IQGAP2: variants seen among roughly 807,000 people sequenced by gnomAD.
IQGAP2 encodes the protein IQ motif containing GTPase activating protein 2.
In IQGAP2, 173 loss-of-function variants were observed where a neutral mutation model predicts 201.3. That is an observed-to-expected ratio of 0.86 (90% CI 0.76 to 0.98). The LOEUF (loss-of-function observed/expected upper bound fraction) is 0.98, where lower values mean the gene tolerates loss of function less well. IQGAP2 is among the 50% of genes least tolerant of loss of function. The pLI is 0.00. For missense variants in IQGAP2, 1,687 were observed against 1,864.8 expected (o/e 0.90, Z 1.76); for synonymous variants, 675 against 673.9 (o/e 1.00, Z -0.03).
intron 2 of IQGAP2, among the ~76,000 whole-genome samples, chr5:76,537,174 G>C (rs1315996433): frequency 6.6e-6 from 1 of 152,206 alleles, no homozygotes; most frequent in Non-Finnish European, 1.5e-5. Context: ...TCAGAGCCCT[G>C]ATATTTGCAT....
chr5:76,635,850 G>T (rs1334186130), intron 15 of IQGAP2, among the ~76,000 whole-genome samples: 2 of 151,868 alleles, frequency 1.3e-5, no homozygotes, highest in African/African-American at 4.8e-5. Flanking sequence ...AGAAAGGAAG[G>T]AAGGGAGGGG....
Position 76,425,137 on chromosome 5 carries a change from T to A in IQGAP2, c.46+21546T>A, listed in dbSNP as rs143359055. Among the ~76,000 whole-genome samples the A allele has an allele frequency of 4.8e-3, 735 of 152,322 alleles. 6 individuals are homozygous for A. The highest frequency in any genetic ancestry group is 0.016 in the African/African-American group (681 of 41,564). ...CAGGACTCTAAGCCTCTGCCTTTCT[T>A]GCTTTCTTTCCCTGCATTCGCTTAA... On this transcript the variant is annotated intron_variant, in intron 1 of 35. Coordinates refer to ENST00000274364, the MANE Select transcript of IQGAP2 (RefSeq NM_006633.5).
chr5:76,567,298 G>T (rs1744817559), intron 3 of IQGAP2, among the ~76,000 whole-genome samples: 1 of 152,190 alleles, frequency 6.6e-6, no homozygotes, highest in Admixed American at 6.5e-5. Flanking sequence ...ACACTCAAAG[G>T]AAATGTTCCT....
chr5:76,475,734 G>A (rs1755377408), intron 2 of IQGAP2, among the ~76,000 whole-genome samples: 3 of 152,134 alleles, frequency 2.0e-5, no homozygotes, highest in African/African-American at 7.2e-5. Context: ...AAGCTTCTGA[G>A]TCACTTGAGG....
chr5:76,699,801 TTCTCTCTC>T (rs1197754030), intron 33 of IQGAP2, among the ~76,000 whole-genome samples: 3 of 1,348 alleles, frequency 2.2e-3, no homozygotes, highest in African/African-American at 9.7e-3. Flanking sequence ...TTCTTTCTGT[TTCTCTCTC>T]TCTCTCTCTC....
At chr5:76,615,241 T>C (rs1490397151) in intron 13 of IQGAP2, among the ~76,000 whole-genome samples, 2 of 152,250 alleles carry the variant, frequency 1.3e-5, no homozygotes, top group African/African-American at 2.4e-5. Context: ...TAACGAATAT[T>C]GCTGTATTTT....
chr5:76,631,877 A>G lies in IQGAP2; in HGVS notation c.1631A>G (p.Asp544Gly). 1 of 1,597,454 alleles carries G rather than the reference A, an allele frequency of 6.3e-7. No homozygotes were observed. Among genetic ancestry groups the G allele is most frequent in the Non-Finnish European group, 8.5e-7 (1 of 1,170,674 alleles). Reference sequence around the variant, plus strand: ...TACCCAGGGGTTACTCTGGTGGTTGATGTTAATCAGTGTTTGGAAGGAAAA... The same window carrying G: ...TACCCAGGGGTTACTCTGGTGGTTGGTGTTAATCAGTGTTTGGAAGGAAAA... ...RAKQWVTLVV[D>G]VNQCLEGKKS... The change falls in exon 15 of 36, where the codon GAT becomes GGT. Residue 544 changes from aspartate to glycine, a missense_variant. By Grantham distance (94) the Asp-to-Gly change is moderately conservative. Transcript: ENST00000274364.
intron 2 of IQGAP2, among the ~76,000 whole-genome samples, chr5:76,561,493 C>T (rs754736217): frequency 1.3e-5 from 2 of 152,118 alleles, no homozygotes; most frequent in Non-Finnish European, 2.9e-5. Flanking sequence ...ATGGTGCTCA[C>T]GCTAATAGTT....
chr5:76,507,305 G>A (rs1580344250), intron 2 of IQGAP2, among the ~76,000 whole-genome samples: 2 of 152,080 alleles, frequency 1.3e-5, no homozygotes. Flanking sequence ...TGAAACAACT[G>A]GAATCCACAT....
intron 31 of IQGAP2, chr5:76,694,056 C>G (rs1386250043): frequency 1.3e-5 from 2 of 152,190 alleles, no homozygotes; most frequent in Non-Finnish European, 2.9e-5. Flanking sequence ...TTAACTATTT[C>G]TTAGCACAGC....
At chr5:76,427,018 G>T (rs537978637) in intron 1 of IQGAP2, among the ~76,000 whole-genome samples, 2 of 124,176 alleles carry the variant, frequency 1.6e-5, no homozygotes, top group South Asian at 5.0e-4. Flanking sequence ...TGAGAGAGAA[G>T]AGAAAATAAC....
In IQGAP2 at chr5:76,641,030, C is replaced by A. The variant is rs376526797; in HGVS notation, c.2021C>A (p.Pro674His). Reference sequence around the variant, plus strand: ...CGCTTTCAAGCCACAAGCTCAGGACCCATCCTTAGGGAAGAGTTTGAAGCT... The same window carrying A: ...CGCTTTCAAGCCACAAGCTCAGGACACATCCTTAGGGAAGAGTTTGAAGCT... ...LLRFQATSSGPILREEFEARK... is the reference protein window; with the variant it reads ...LLRFQATSSGHILREEFEARK... The change falls in exon 17 of 36, where the codon CCC (proline) becomes CAC (histidine). Residue 674 changes from proline to histidine, a missense_variant. Pro to His is a moderately conservative substitution (Grantham distance 77). Coordinates refer to ENST00000274364, the MANE Select transcript of IQGAP2 (RefSeq NM_006633.5). 1 of 1,611,120 alleles carries A rather than the reference C, an allele frequency of 6.2e-7. No homozygotes were observed. Among genetic ancestry groups the A allele is most frequent in the Non-Finnish European group, 8.5e-7 (1 of 1,177,630 alleles).
chr5:76,438,042 T>TTG (rs767091581), intron 1 of IQGAP2, among the ~76,000 whole-genome samples: 8,852 of 148,456 alleles, frequency 0.06, 443 homozygotes, highest in Non-Finnish European at 0.085. Flanking sequence ...TTTGTTTTTT[T>TTG]TTTTGTTTTT....
At chr5:76,701,009 A>G in intron 33 of IQGAP2, 67 bp from the exon 34 acceptor site, 1 of 1,525,714 alleles carries the variant, frequency 6.6e-7, no homozygotes, top group Non-Finnish European at 9.0e-7. Flanking sequence ...TGAGTATGGT[A>G]ATCGCACTAC....
intron 1 of IQGAP2, among the ~76,000 whole-genome samples, chr5:76,436,615 C>T (rs1580186827): frequency 7.0e-6 from 1 of 142,182 alleles, no homozygotes; most frequent in South Asian, 2.4e-4. Flanking sequence ...ACTGCAACCT[C>T]TGCCTCCCAG....
At chr5:76,426,771 G>A (rs973318751) in intron 1 of IQGAP2, among the ~76,000 whole-genome samples, 2 of 152,154 alleles carry the variant, frequency 1.3e-5, no homozygotes, top group Admixed American at 6.5e-5. Flanking sequence ...TAAGGCCTGT[G>A]CTGCATGGGT....
At chr5:76,548,871 T>C (rs1743260103) in intron 2 of IQGAP2, among the ~76,000 whole-genome samples, 1 of 152,130 alleles carries the variant, frequency 6.6e-6, no homozygotes, top group African/African-American at 2.4e-5. Flanking sequence ...CTAAATGCCA[T>C]TTAAGAGTGT....
chr5:76,611,779 T>C (rs1748432983), intron 13 of IQGAP2, among the ~76,000 whole-genome samples: 1 of 152,186 alleles, frequency 6.6e-6, no homozygotes, highest in African/African-American at 2.4e-5. Flanking sequence ...GTACAGAGCT[T>C]GTACCGCTAT....
Position 76,652,929 on chromosome 5 carries a change from A to C in IQGAP2, c.2178+96A>C. 3 of 804,614 alleles carry C rather than the reference A, an allele frequency of 3.7e-6. No homozygotes were observed. In the South Asian group the frequency reaches 4.5e-5, roughly 12 times the overall value. 49.8% of individuals were successfully genotyped at this position (804,614 alleles called of 1,614,324 possible). On this transcript the variant is annotated intron_variant, in intron 18 of 35. Coordinates refer to ENST00000274364, the MANE Select transcript of IQGAP2 (RefSeq NM_006633.5). ...AGACAGCTATAGAAAGGGAGGGTAC[A>C]TGTGAGCCTTGAAGTCAGAAGGCAG...
Sources: allele counts gnomAD v4.1 joint callset (sites outside exome capture counted in the v4.1 genomes callset), GRCh38; gene constraint gnomAD v4.1.1; transcripts MANE v1.5; gene names NCBI Gene and HGNC (gene_info 2026-07-23, HGNC 2026-07-21).